OSBPL5: variants seen among roughly 807,000 people sequenced by gnomAD.
The protein encoded by OSBPL5 is oxysterol-binding protein-related protein 5.
OSBPL5 carries 71 observed loss-of-function variants against 111.2 expected under a neutral mutation model. The observed-to-expected ratio is 0.64, with a 90% CI of 0.53 to 0.78. OSBPL5 has a LOEUF of 0.78. Ranked by LOEUF, OSBPL5 falls within the 30% of genes least tolerant of loss-of-function variation. The pLI is 0.00. For synonymous variants in OSBPL5, 549 were observed against 513.9 expected, an observed-to-expected ratio of 1.07 and a Z score of -0.93; for missense variants, 1,210 against 1,189.3, an observed-to-expected ratio of 1.02 and a Z score of -0.26.
chr11:3,145,725 A>C (rs956171209), intron 1 of OSBPL5, among the ~76,000 whole-genome samples: 7 of 152,168 alleles, frequency 4.6e-5, no homozygotes, highest in African/African-American at 1.7e-4. Flanking sequence ...GCCCCTGTGC[A>C]GTTTACAGAT....
At chr11:3,143,617 T>G (rs1282177157) in intron 1 of OSBPL5, among the ~76,000 whole-genome samples, 1 of 152,250 alleles carries the variant, frequency 6.6e-6, no homozygotes, top group South Asian at 2.1e-4. Flanking sequence ...GGCCACATCT[T>G]GTCCGCTTCC....
At chr11:3,133,761 C>T (rs1233185326) in intron 1 of OSBPL5, among the ~76,000 whole-genome samples, 1 of 152,240 alleles carries the variant, frequency 6.6e-6, no homozygotes, top group African/African-American at 2.4e-5. Context: ...GGAGGGGACG[C>T]TGTGGGGCTT....
At position 3,107,317 on chromosome 11, in the gene OSBPL5, G is replaced by A. The variant is rs756282370; in HGVS notation, c.1005C>T (p.Ala335=). The A allele has an allele frequency of 1.2e-6, 2 of 1,613,792 alleles. No individual in the cohort carries two copies. Among genetic ancestry groups the A allele is most frequent in the South Asian group, 2.2e-5 (2 of 91,068 alleles). ...CATAGGTGGTCCCTCTCCGCACCGG[G>A]GCCCCAGGGGTCTCTGACTGGTCGC... ...SGSDQSETPG[A]PVRRGTTYVE... Residue 335 remains alanine, a synonymous_variant, in exon 9 of 22, where the codon GCC becomes GCT. Transcript: ENST00000263650. The surrounding 1 kb of genome is among the most constrained non-coding windows in gnomAD (Gnocchi z 6.1).
chr11:3,123,200 T>C (rs1049899488), intron 3 of OSBPL5, among the ~76,000 whole-genome samples: 3 of 152,042 alleles, frequency 2.0e-5, no homozygotes, highest in Non-Finnish European at 4.4e-5. Context: ...CTTCTACAGA[T>C]GGGGAACCTG....
At chr11:3,089,779 C>G in intron 21 of OSBPL5, 67 bp downstream of exon 21, 1 of 1,466,922 alleles carries the variant, frequency 6.8e-7, no homozygotes, top group Non-Finnish European at 9.3e-7. Flanking sequence ...ACCTCCCGCC[C>G]TAGCTCTACC....
intron 1 of OSBPL5, among the ~76,000 whole-genome samples, chr11:3,144,040 G>C (rs1846244481): frequency 6.6e-6 from 1 of 152,154 alleles, no homozygotes; most frequent in South Asian, 2.1e-4. Context: ...AGCTGCTCCA[G>C]CACCCACTGA....
chr11:3,091,017 T>A (rs910095073), intron 19 of OSBPL5, among the ~76,000 whole-genome samples: 1 of 152,056 alleles, frequency 6.6e-6, no homozygotes, highest in Non-Finnish European at 1.5e-5. Flanking sequence ...GCAGAGATGA[T>A]GGCATGGGGG....
chr11:3,156,941 C>T (rs1482642298), intron 1 of OSBPL5, among the ~76,000 whole-genome samples: 1 of 152,228 alleles, frequency 6.6e-6, no homozygotes, highest in Admixed American at 6.5e-5. Context: ...GTGGGGATTC[C>T]CACCTGCTTT....
rs903371795 is a variant in OSBPL5 at position 3,154,568 on chromosome 11, G to C, written c.-22+10648C>G. Among the ~76,000 whole-genome samples the C allele has an allele frequency of 3.9e-5, 6 of 152,194 alleles. No individual in the cohort carries two copies. Among genetic ancestry groups the C allele is most frequent in the Non-Finnish European group, 7.3e-5 (5 of 68,036 alleles). On this transcript the variant is annotated intron_variant, in intron 1 of 21. Coordinates refer to ENST00000263650, the MANE Select transcript of OSBPL5 (RefSeq NM_020896.4). The surrounding 1 kb of genome is among the most constrained non-coding windows in gnomAD (Gnocchi z 4.9). ...ACTGCACACACTCATGGGTGCGGAA[G>C]GCTCTGATCACATCAAAATCTTACT...
chr11:3,092,966 C>T lies in OSBPL5; in HGVS notation c.2033G>A (p.Arg678Gln), dbSNP rs748614515. The change falls in exon 18 of 22, where the codon CGG becomes CAG. Residue 678 changes from arginine to glutamine, a missense_variant. Arg to Gln is a conservative substitution (Grantham distance 43, BLOSUM62 1). Transcript: ENST00000263650. This position sits in a 1 kb window ranked among gnomAD's most constrained non-coding sequence, Gnocchi z 5.4. ...QEKFALEEAQ[R>Q]QRARERQESL... is the part of the protein sequence containing the mutation. ...CTCCTGCCGCTCACGGGCCCGCTGCCGCTGTGCCTCCTCCAGTGCAAACTT... is the reference window on the plus strand; with the variant it reads ...CTCCTGCCGCTCACGGGCCCGCTGCTGCTGTGCCTCCTCCAGTGCAAACTT... 39 of 1,598,286 alleles carry T rather than the reference C, an allele frequency of 2.4e-5. No individual in the cohort carries two copies. In the South Asian group the frequency reaches 2.7e-4, roughly 11 times the overall value.
chr11:3,112,065 G>GTGTGTA (rs1857996235), intron 7 of OSBPL5, among the ~76,000 whole-genome samples: 16 of 69,502 alleles, frequency 2.3e-4, no homozygotes, highest in African/African-American at 9.9e-4. Flanking sequence ...GCATGTGTAT[G>GTGTGTA]TGTGTGTGCA....
Position 3,142,405 on chromosome 11 carries a change from C to G in OSBPL5, c.-21-13236G>C, listed in dbSNP as rs1421837590. On this transcript the variant is annotated intron_variant, in intron 1 of 21. Transcript: ENST00000263650. This position sits in a 1 kb window ranked among gnomAD's most constrained non-coding sequence, Gnocchi z 7.1. The stretch of plus-strand genomic sequence containing the variant: ...GCTGCTGGTCTGTACAACTGGGAAG[C>G]CCCTACCTCTCCACCACGACCCCTC... Among the ~76,000 whole-genome samples, 4 of 152,180 alleles carry G rather than the reference C, an allele frequency of 2.6e-5. No individual in the cohort carries two copies. Among genetic ancestry groups the G allele is most frequent in the Non-Finnish European group, 5.9e-5 (4 of 68,030 alleles).
chr11:3,139,062 G>T (rs533379030), intron 1 of OSBPL5, among the ~76,000 whole-genome samples: 1 of 152,204 alleles, frequency 6.6e-6, no homozygotes, highest in Non-Finnish European at 1.5e-5. Flanking sequence ...GACACCGAGT[G>T]GGGATCCTGG....
intron 1 of OSBPL5, among the ~76,000 whole-genome samples, chr11:3,149,242 G>GC (rs1366155610): frequency 6.6e-6 from 1 of 152,242 alleles, no homozygotes; most frequent in African/African-American, 2.4e-5. Flanking sequence ...AGTCCCCAAG[G>GC]CCGGAATGCA....
chr11:3,152,787 G>A (rs1445699190), intron 1 of OSBPL5, among the ~76,000 whole-genome samples: 2 of 152,194 alleles, frequency 1.3e-5, no homozygotes, highest in African/African-American at 2.4e-5. Context: ...GATGTTGAGC[G>A]AGAAACAGAA....
In OSBPL5 at chr11:3,155,924, C is replaced by A. The variant is rs373116899; in HGVS notation, c.-22+9292G>T. On this transcript the variant is annotated intron_variant, in intron 1 of 21. Coordinates refer to ENST00000263650, the MANE Select transcript of OSBPL5 (RefSeq NM_020896.4). ...TCAGCCGGACCCCACCCTTCCCAGG[C>A]CCTCAGTCTCAGGCTCAAGCCTGTG... Among the ~76,000 whole-genome samples, 6 of 152,252 alleles carry A rather than the reference C, an allele frequency of 3.9e-5. No homozygotes were observed. The East Asian group carries it at 7.7e-4, about 20-fold the overall frequency.
chr11:3,159,280 C>T (rs1846882453), intron 1 of OSBPL5, among the ~76,000 whole-genome samples: 1 of 152,178 alleles, frequency 6.6e-6, no homozygotes, highest in African/African-American at 2.4e-5. Flanking sequence ...ATCTCACTAC[C>T]TCTGTAGCTC....
At chr11:3,128,966 G>C (rs550747014) in intron 2 of OSBPL5, 47 bp downstream of exon 2, 1 of 1,442,494 alleles carries the variant, frequency 6.9e-7, no homozygotes, top group South Asian at 1.5e-5. Context: ...TCACCCCACC[G>C]GGCCCAAGCT....
At chr11:3,137,034 G>A (rs532167472) in intron 1 of OSBPL5, among the ~76,000 whole-genome samples, 7 of 152,328 alleles carry the variant, frequency 4.6e-5, no homozygotes, top group East Asian at 1.9e-4. Flanking sequence ...TCCCAAGGAA[G>A]GACAGCAGCC....
Sources: allele counts gnomAD v4.1 joint callset (sites outside exome capture counted in the v4.1 genomes callset), GRCh38; gene constraint gnomAD v4.1.1; non-coding constraint Gnocchi (gnomAD v3.1); transcripts MANE v1.5; gene names NCBI Gene and HGNC (gene_info 2026-07-23, HGNC 2026-07-21).